Variants in BAAT observed in about 807,000 individuals in gnomAD.
BAAT encodes the protein bile acid-CoA:amino acid N-acyltransferase.
Under a neutral mutation model 18.9 loss-of-function variants are expected in BAAT, and 13 were observed. The observed-to-expected ratio is 0.69, with a 90% CI of 0.45 to 1.10. The LOEUF (loss-of-function observed/expected upper bound fraction) is 1.10, where lower values mean the gene tolerates loss of function less well. Among genes scored for constraint, BAAT ranks in the 50% least tolerant of loss-of-function variants. The pLI is 0.00. For missense variants in BAAT, 489 were observed against 504.0 expected, an observed-to-expected ratio of 0.97 and a Z score of 0.28; for synonymous variants, 170 against 190.7, an observed-to-expected ratio of 0.89 and a Z score of 0.89.
At chr9:101,376,825 C>A (rs994325902) in intron 1 of BAAT, among the ~76,000 whole-genome samples, 1 of 151,950 alleles carries the variant, frequency 6.6e-6, no homozygotes, top group African/African-American at 2.4e-5. Context: ...ATAAATAGAT[C>A]TAAAAGTTAG....
chr9:101,365,787 GC>G (rs1203688136), intron 3 of BAAT, among the ~76,000 whole-genome samples: 10 of 152,060 alleles, frequency 6.6e-5, no homozygotes, highest in African/African-American at 2.4e-4. Context: ...GCCCACCTCG[GC>G]CTCCCAAAGT....
In BAAT at chr9:101,371,086, G is replaced by T. The variant is rs1829931995; in HGVS notation, c.319C>A (p.Leu107Ile). The T allele has an allele frequency of 6.2e-7, 1 of 1,614,030 alleles. No individual in the cohort carries two copies. The highest frequency in any genetic ancestry group is 8.5e-7 in the Non-Finnish European group (1 of 1,179,990). ...MNRPFQVQVK[L>I]YDLELIVNNK... is the part of the protein sequence containing the mutation. ...TTCACTATTAACTCTAAGTCATAAA[G>T]TTTTACTTGGACCTGGAAAGGCCTA... The change falls in exon 2 of 4, where the codon CTT becomes ATT. Residue 107 changes from leucine to isoleucine, a missense_variant. Transcript: ENST00000259407.
intron 2 of BAAT, among the ~76,000 whole-genome samples, chr9:101,368,532 T>G (rs1391545317): frequency 6.6e-6 from 1 of 152,100 alleles, no homozygotes; most frequent in Non-Finnish European, 1.5e-5. Flanking sequence ...TCAAATACAA[T>G]TCCAACACTT....
intron 1 of BAAT, among the ~76,000 whole-genome samples, chr9:101,381,043 C>T (rs1830124309): frequency 6.6e-6 from 1 of 151,998 alleles, no homozygotes; most frequent in Non-Finnish European, 1.5e-5. Context: ...AGGCATGAGC[C>T]ACCGCACCTG....
chr9:101,370,886 T>C, intron 2 of BAAT, 53 bp downstream of exon 2: 10 of 1,563,602 alleles, frequency 6.4e-6, no homozygotes, highest in Admixed American at 1.7e-5. Flanking sequence ...AGACGGATAA[T>C]GTATTTAAAG....
rs71798471 is a variant in BAAT at position 101,376,128 on chromosome 9, T to TC, written c.-59-4666_-59-4665insG. On this transcript the variant is annotated intron_variant, in intron 1 of 3. Transcript: ENST00000259407. ...TCTTGGTAAAATTGGCTGGAATGTT[T>TC]TTTTTTTCTGTTTAGCTGGTTAGGT... 676 of 163,036 alleles carry TC rather than the reference T, an allele frequency of 4.1e-3. 2 individuals carry two copies. The highest frequency in any genetic ancestry group is 9.7e-3 in the Middle Eastern group (9 of 930). The allele number at this position is 163,036 out of a possible 1,614,324, so 10.1% of individuals were successfully genotyped here. A position where few individuals can be genotyped will look rare whatever the true frequency, so the allele number is the denominator to read the frequency against.
intron 1 of BAAT, among the ~76,000 whole-genome samples, chr9:101,377,357 G>C (rs1428667528): frequency 6.6e-6 from 1 of 152,056 alleles, no homozygotes; most frequent in Non-Finnish European, 1.5e-5. Flanking sequence ...TAATTTCCTG[G>C]GGCAATGTGG....
chr9:101,373,151 T>A (rs1240968373), intron 1 of BAAT, among the ~76,000 whole-genome samples: 2 of 152,130 alleles, frequency 1.3e-5, no homozygotes, highest in African/African-American at 4.8e-5. Flanking sequence ...CTCAGCTGCT[T>A]TTCCTTGCTG....
intron 1 of BAAT, among the ~76,000 whole-genome samples, chr9:101,377,961 A>C (rs1249989621): frequency 6.6e-6 from 1 of 152,174 alleles, no homozygotes; most frequent in Non-Finnish European, 1.5e-5. Flanking sequence ...TACCAATATT[A>C]GACAAGCAGA....
At chr9:101,383,475 T>C (rs965730005) in intron 1 of BAAT, 1 of 152,168 alleles carries the variant, frequency 6.6e-6, no homozygotes, top group Non-Finnish European at 1.5e-5. Flanking sequence ...AGTACCTGGA[T>C]TCTTCCTCTT....
chr9:101,366,235 A>C lies in BAAT; in HGVS notation c.669+1885T>G, dbSNP rs183646576. On this transcript the variant is annotated intron_variant, in intron 3 of 3. Coordinates refer to ENST00000259407, the MANE Select transcript of BAAT (RefSeq NM_001701.4). ...TGGCCATGAAAGATAAAGTAAAAGC[A>C]AGTATAACACGAAAGAACAAAAAAG... Among the ~76,000 whole-genome samples, 20 of 152,278 alleles carry C rather than the reference A, an allele frequency of 1.3e-4. No individual in the cohort carries two copies. The East Asian group carries it at 3.5e-3, about 26-fold the overall frequency.
In BAAT at chr9:101,362,776, T is replaced by C. The variant is rs963629598; in HGVS notation, c.909A>G (p.Gln303=). The C allele has an allele frequency of 1.2e-6, 2 of 1,614,082 alleles. No homozygotes were observed. The highest frequency in any genetic ancestry group is 1.7e-6 in the Non-Finnish European group (2 of 1,180,042). The change falls in exon 4 of 4, where the codon CAA becomes CAG. Residue 303 remains glutamine (Q), a synonymous_variant. Coordinates refer to ENST00000259407, the MANE Select transcript of BAAT (RefSeq NM_001701.4). ...LELYRTFETT[Q]VGASQYLFPI... is the part of the protein sequence containing the mutation. ...GAAACAAATATTGACTGGCCCCAAC[T>C]TGAGTTGTCTCAAAAGTGCGATAGA... is the stretch of plus-strand genomic sequence containing the variant.
rs1829955562 is a variant in BAAT at position 101,371,978 on chromosome 9, GA to G, written c.-59-516del. 2.0e-5 allele frequency among the ~76,000 whole-genome samples: 3 copies of G among 152,180 alleles called. No homozygotes were observed. In the South Asian group the frequency reaches 6.2e-4, roughly 32 times the overall value. ...TGGAATAGGAATACTATACAGCCAT[GA>G]AAAAATGAAACCATGTCCTTTGCAG... is the stretch of plus-strand genomic sequence containing the variant. On this transcript the variant is annotated intron_variant, in intron 1 of 3. Transcript: ENST00000259407.
rs1172321989 is a variant in BAAT at position 101,366,058 on chromosome 9, C to T, written c.669+2062G>A. Among the ~76,000 whole-genome samples, 3 of 152,028 alleles carry T rather than the reference C, an allele frequency of 2.0e-5. 1 individual carries two copies. The highest frequency in any genetic ancestry group is 4.4e-5 in the Non-Finnish European group (3 of 68,002). ...TATTAACTATAGTCACCATGCTGTG[C>T]AACAGATCACCAGATCTTAGTCTTC... On this transcript the variant is annotated intron_variant, in intron 3 of 3. Coordinates refer to ENST00000259407, the MANE Select transcript of BAAT (RefSeq NM_001701.4).
At chr9:101,363,144 G>T in intron 3 of BAAT, 129 bp from the exon 4 acceptor site, 2 of 853,006 alleles carry the variant, frequency 2.3e-6, no homozygotes, top group Non-Finnish European at 3.7e-6. Flanking sequence ...CACATCCCTA[G>T]CTATAGAGTT....
rs377286746 is a variant in BAAT, at chr9:101,381,497, G to A, written c.-60+3358C>T. Reference sequence around the variant, plus strand: ...TGTGATCATGCCACTGGGTGAAAGAGCTGACTCCACCTTGGGTGAAAGAGC... The same window carrying A: ...TGTGATCATGCCACTGGGTGAAAGAACTGACTCCACCTTGGGTGAAAGAGC... On this transcript the variant is annotated intron_variant, in intron 1 of 3. Coordinates refer to ENST00000259407, the MANE Select transcript of BAAT (RefSeq NM_001701.4). Among the ~76,000 whole-genome samples, 13 of 152,268 alleles carry A rather than the reference G, an allele frequency of 8.5e-5. No homozygotes were observed. The East Asian group carries it at 1.7e-3, about 20-fold the overall frequency.
Position 101,371,431 on chromosome 9 carries a change from T to A in BAAT, c.-27A>T, listed in dbSNP as rs754372474. 1 of 1,588,982 alleles carries A rather than the reference T, an allele frequency of 6.3e-7. No homozygotes were observed. Among genetic ancestry groups the A allele is most frequent in the South Asian group, 1.1e-5 (1 of 90,680 alleles). On this transcript the variant is annotated 5_prime_UTR_variant, in exon 2 of 4. Coordinates refer to ENST00000259407, the MANE Select transcript of BAAT (RefSeq NM_001701.4). ...TTTTTAGTGTGGCACCTGGGATGAT[T>A]CTTCAGGAATATCTTCAGCAAAACC... is the stretch of plus-strand genomic sequence containing the variant.
intron 1 of BAAT, among the ~76,000 whole-genome samples, chr9:101,372,680 G>A (rs1829974316): frequency 1.5e-5 from 2 of 137,428 alleles, no homozygotes; most frequent in South Asian, 4.5e-4. Context: ...TTAGATTACT[G>A]AGAATGCAAA....
intron 3 of BAAT, among the ~76,000 whole-genome samples, chr9:101,364,257 G>A (rs1829787780): frequency 1.3e-5 from 2 of 151,768 alleles, no homozygotes; most frequent in East Asian, 1.9e-4. Flanking sequence ...TTTGCCCCCC[G>A]TGCAAACTGA....
Sources: gnomAD v4.1 joint callset for allele counts (sites outside exome capture counted in the v4.1 genomes callset) on GRCh38, gnomAD v4.1.1 for gene constraint, MANE v1.5 for transcripts, NCBI Gene and HGNC (gene_info 2026-07-23, HGNC 2026-07-21) for gene names.